Variants in OR5H14 observed in about 807,000 individuals in gnomAD.
OR5H14 encodes olfactory receptor 5H14.
For missense variants in OR5H14, 392 were observed against 363.9 expected, an observed-to-expected ratio of 1.08 and a Z score of -0.63; for synonymous variants, 155 against 130.6, an observed-to-expected ratio of 1.19 and a Z score of -1.28.
rs1489066438 is a variant in OR5H14 at position 98,150,942 on chromosome 3, G to T, written c.*624G>T. ...GGCAAGAGGATGCTGTTAACTCTCT[G>T]TGCTTGTATGAGTAAGAACCATGCA... On this transcript the variant is annotated 3_prime_UTR_variant, in exon 2 of 2. Coordinates refer to ENST00000641380, the MANE Select transcript of OR5H14 (RefSeq NM_001005514.2). 3 of 152,138 alleles carry T rather than the reference G, an allele frequency of 2.0e-5. No homozygotes were observed. The highest frequency in any genetic ancestry group is 4.4e-5 in the Non-Finnish European group (3 of 68,038). The allele number at this position is 152,138 out of a possible 1,614,324, so 9.4% of individuals were successfully genotyped here.
At chr3:98,149,310 A>T in intron 1 of OR5H14, 58 bp from the exon 2 acceptor site, 1 of 1,551,006 alleles carries the variant, frequency 6.4e-7, no homozygotes, top group Non-Finnish European at 8.7e-7. Flanking sequence ...CTCTTTCCCA[A>T]TTTCAACTCA....
At position 98,151,390 on chromosome 3, in the gene OR5H14, G is replaced by C. The variant is rs553324984; in HGVS notation, c.*1072G>C. On this transcript the variant is annotated 3_prime_UTR_variant, in exon 2 of 2. Coordinates refer to ENST00000641380, the MANE Select transcript of OR5H14 (RefSeq NM_001005514.2). ...CTCACTTCATATTCTTGAAGTATGT[G>C]AGTCATCCATCTGCCATTCCACTCT... The C allele has an allele frequency of 6.6e-6, 1 of 152,044 alleles. No individual in the cohort carries two copies. The highest frequency in any genetic ancestry group is 1.5e-5 in the Non-Finnish European group (1 of 67,994). 9.4% of individuals were successfully genotyped at this position (152,044 alleles called of 1,614,324 possible). A position where few individuals can be genotyped will look rare whatever the true frequency, so the allele number is the denominator to read the frequency against.
At position 98,154,699 on chromosome 3, in the gene OR5H14, C is replaced by G. The variant is rs990872473; in HGVS notation, c.*4381C>G. 2 of 152,198 alleles carry G rather than the reference C, an allele frequency of 1.3e-5. No individual in the cohort carries two copies. Among genetic ancestry groups the G allele is most frequent in the Non-Finnish European group, 2.9e-5 (2 of 68,030 alleles). The allele number at this position is 152,198 out of a possible 1,614,324, so 9.4% of individuals were successfully genotyped here. A position where few individuals can be genotyped will look rare whatever the true frequency, so the allele number is the denominator to read the frequency against. On this transcript the variant is annotated 3_prime_UTR_variant, in exon 2 of 2. Coordinates refer to ENST00000641380, the MANE Select transcript of OR5H14 (RefSeq NM_001005514.2). ...TTTGCAAAAATGATGACAGAAAAAT[C>G]TCACATAGGAATATTATGACAGTGA...
At position 98,150,368 on chromosome 3, in the gene OR5H14, C is replaced by G; in HGVS notation, c.*50C>G. The G allele has an allele frequency of 7.8e-7, 1 of 1,283,734 alleles. No homozygotes were observed. Among genetic ancestry groups the G allele is most frequent in the Non-Finnish European group, 1.0e-6 (1 of 953,532 alleles). 79.5% of individuals were successfully genotyped at this position (1,283,734 alleles called of 1,614,324 possible). A position where few individuals can be genotyped will look rare whatever the true frequency, so the allele number is the denominator to read the frequency against. On this transcript the variant is annotated 3_prime_UTR_variant, in exon 2 of 2. Transcript: ENST00000641380. ...TTTACTAAAATGTCACAAAATTGTGCAAATTAGAGGTACCTATGTTTTTGC... is the reference window on the plus strand; with the variant it reads ...TTTACTAAAATGTCACAAAATTGTGGAAATTAGAGGTACCTATGTTTTTGC...
chr3:98,152,784 T>C lies in OR5H14; in HGVS notation c.*2466T>C, dbSNP rs1708525832. The C allele has an allele frequency of 6.6e-6, 1 of 152,190 alleles. No individual in the cohort carries two copies. The highest frequency in any genetic ancestry group is 2.4e-5 in the African/African-American group (1 of 41,454). 9.4% of individuals were successfully genotyped at this position (152,190 alleles called of 1,614,324 possible). On this transcript the variant is annotated 3_prime_UTR_variant, in exon 2 of 2. Coordinates refer to ENST00000641380, the MANE Select transcript of OR5H14 (RefSeq NM_001005514.2). ...GTACCTATGTAACAACCTGCACATG[T>C]ATCCCAGAACTTAAAGTATAAAGAA... is the stretch of plus-strand genomic sequence containing the variant.
rs1708521676 is a variant in OR5H14 at position 98,152,393 on chromosome 3, C to T, written c.*2075C>T. The T allele has an allele frequency of 6.6e-6, 1 of 152,132 alleles. No individual in the cohort carries two copies. Among genetic ancestry groups the T allele is most frequent in the Admixed American group, 6.6e-5 (1 of 15,258 alleles). The allele number at this position is 152,132 out of a possible 1,614,324, so 9.4% of individuals were successfully genotyped here. A position where few individuals can be genotyped will look rare whatever the true frequency, so the allele number is the denominator to read the frequency against. ...TATTCACAATAGCAAACACTTGGAA[C>T]CAACCCAAAGGCCCATCAAGTATAG... On this transcript the variant is annotated 3_prime_UTR_variant, in exon 2 of 2. Transcript: ENST00000641380.
At chr3:98,147,910 A>G (rs1708443574) in intron 1 of OR5H14, 1 of 152,004 alleles carries the variant, frequency 6.6e-6, no homozygotes, top group Non-Finnish European at 1.5e-5. Flanking sequence ...CATTCCTTTT[A>G]ATTAACTACA....
chr3:98,149,924 A>G lies in OR5H14; in HGVS notation c.539A>G (p.Asp180Gly), dbSNP rs1337299361. The G allele has an allele frequency of 6.2e-7, 1 of 1,613,416 alleles. No individual in the cohort carries two copies. Among genetic ancestry groups the G allele is most frequent in the Admixed American group, 1.7e-5 (1 of 59,942 alleles). ...NSNIIQHFYC[D>G]IIPLLKISYT... Reference sequence around the variant, plus strand: ...AACATAATACAACACTTTTACTGTGACATTATCCCATTGTTAAAGATTTCT... The same window carrying G: ...AACATAATACAACACTTTTACTGTGGCATTATCCCATTGTTAAAGATTTCT... Residue 180 changes from aspartate to glycine, a missense_variant, in exon 2 of 2, where the codon GAC becomes GGC. Asp to Gly is a moderately conservative substitution (Grantham distance 94). Coordinates refer to ENST00000641380, the MANE Select transcript of OR5H14 (RefSeq NM_001005514.2).
At position 98,149,894 on chromosome 3, in the gene OR5H14, A is replaced by G. The variant is rs185929468; in HGVS notation, c.509A>G (p.Asn170Ser). ...TTTTTATTCAGACTAACCTTCTGTA[A>G]CTCCAACATAATACAACACTTTTAC... ...EGFLFRLTFC[N>S]SNIIQHFYCD... The change falls in exon 2 of 2, where the codon AAC (asparagine) becomes AGC (serine). Residue 170 changes from asparagine to serine, a missense_variant. Coordinates refer to ENST00000641380, the MANE Select transcript of OR5H14 (RefSeq NM_001005514.2). The G allele has an allele frequency of 2.8e-3, 4,511 of 1,605,592 alleles. 167 individuals are homozygous for G. The African/African-American group carries it at 0.052, about 18-fold the overall frequency.
Position 98,151,294 on chromosome 3 carries a change from G to A in OR5H14, c.*976G>A, listed in dbSNP as rs1445314271. On this transcript the variant is annotated 3_prime_UTR_variant, in exon 2 of 2. Coordinates refer to ENST00000641380, the MANE Select transcript of OR5H14 (RefSeq NM_001005514.2). The stretch of plus-strand genomic sequence containing the variant: ...TATGACATCATAGTGCCCAGTGATT[G>A]GAGAGAAAAACATGAAAATGAGGAA... The A allele has an allele frequency of 6.6e-6, 1 of 152,070 alleles. No homozygotes were observed. The highest frequency in any genetic ancestry group is 1.5e-5 in the Non-Finnish European group (1 of 68,012). 9.4% of individuals were successfully genotyped at this position (152,070 alleles called of 1,614,324 possible). A position where few individuals can be genotyped will look rare whatever the true frequency, so the allele number is the denominator to read the frequency against.
rs925326328 is a variant in OR5H14 at position 98,154,660 on chromosome 3, T to C, written c.*4342T>C. On this transcript the variant is annotated 3_prime_UTR_variant, in exon 2 of 2. Coordinates refer to ENST00000641380, the MANE Select transcript of OR5H14 (RefSeq NM_001005514.2). ...AGATAGAGTATGATAGAATGAAATA[T>C]AGTTGAAACCACCTTTGCAAAAATG... 6.6e-6 allele frequency: 1 copy of C among 152,224 alleles called. No individual in the cohort carries two copies. The highest frequency in any genetic ancestry group is 1.5e-5 in the Non-Finnish European group (1 of 68,032). 9.4% of individuals were successfully genotyped at this position (152,224 alleles called of 1,614,324 possible).
intron 1 of OR5H14, among the ~76,000 whole-genome samples, chr3:98,148,489 C>T (rs1237288463): frequency 3.3e-5 from 5 of 152,008 alleles, no homozygotes; most frequent in African/African-American, 1.2e-4. Context: ...ACATGATGCT[C>T]ACTCCAAGAA....
At position 98,150,211 on chromosome 3, in the gene OR5H14, C is replaced by T. The variant is rs1440268507; in HGVS notation, c.826C>T (p.Leu276=). 6.2e-7 allele frequency: 1 copy of T among 1,612,722 alleles called. No homozygotes were observed. The highest frequency in any genetic ancestry group is 8.5e-7 in the Non-Finnish European group (1 of 1,179,248). The change falls in exon 2 of 2, where the codon CTA becomes TTA. Residue 276 remains leucine (L), a synonymous_variant. Transcript: ENST00000641380. The stretch of plus-strand genomic sequence containing the variant: ...TGATGACCAAGATATGATGGAGTCT[C>T]TATTTTACACTGTCATAGTTCCTTT... ...QADDQDMMES[L]FYTVIVPLLN... is the part of the protein sequence containing the mutation.
At chr3:98,148,561 T>C (rs1205600947) in intron 1 of OR5H14, among the ~76,000 whole-genome samples, 1 of 152,058 alleles carries the variant, frequency 6.6e-6, no homozygotes, top group African/African-American at 2.4e-5. Context: ...AGTCACCAAG[T>C]GACTCTTATC....
rs529628010 is a variant in OR5H14, at chr3:98,155,358, C to A, written c.*5040C>A. The A allele has an allele frequency of 2.0e-5, 3 of 152,278 alleles. No individual in the cohort carries two copies. In the South Asian group the frequency reaches 6.2e-4, roughly 32 times the overall value. 9.4% of individuals were successfully genotyped at this position (152,278 alleles called of 1,614,324 possible). A position where few individuals can be genotyped will look rare whatever the true frequency, so the allele number is the denominator to read the frequency against. On this transcript the variant is annotated 3_prime_UTR_variant, in exon 2 of 2. Coordinates refer to ENST00000641380, the MANE Select transcript of OR5H14 (RefSeq NM_001005514.2). ...CCTCTGTCTTGGTAATGGGCTCTATCTAGGTGTCAGGCAAAAAGATCTCAT... is the reference window on the plus strand; with the variant it reads ...CCTCTGTCTTGGTAATGGGCTCTATATAGGTGTCAGGCAAAAAGATCTCAT...
rs766999207 is a variant in OR5H14 at position 98,149,931 on chromosome 3, C to A, written c.546C>A (p.Ile182=). ...TACAACACTTTTACTGTGACATTAT[C>A]CCATTGTTAAAGATTTCTTATACTG... ...NIIQHFYCDI[I]PLLKISYTDS... The change falls in exon 2 of 2, where the codon ATC becomes ATA. Residue 182 remains isoleucine (I), a synonymous_variant. Transcript: ENST00000641380. The A allele has an allele frequency of 6.2e-6, 10 of 1,613,352 alleles. No individual in the cohort carries two copies. The South Asian group carries it at 9.9e-5, about 16-fold the overall frequency.
chr3:98,148,214 A>G (rs1559807371), intron 1 of OR5H14: 3 of 151,900 alleles, frequency 2.0e-5, no homozygotes, highest in Non-Finnish European at 4.4e-5. Context: ...TTTGGCTTCT[A>G]AAGCAGTAGA....
In OR5H14 at chr3:98,150,199, A is replaced by G. The variant is rs1194461128; in HGVS notation, c.814A>G (p.Met272Val). 11 of 1,612,938 alleles carry G rather than the reference A, an allele frequency of 6.8e-6. No homozygotes were observed. Among genetic ancestry groups the G allele is most frequent in the African/African-American group, 4.0e-5 (3 of 74,904 alleles). The change falls in exon 2 of 2, where the codon ATG (methionine) becomes GTG (valine). Residue 272 changes from methionine to valine, a missense_variant. Coordinates refer to ENST00000641380, the MANE Select transcript of OR5H14 (RefSeq NM_001005514.2). ...ATCCCCACAGGCTGATGACCAAGAT[A>G]TGATGGAGTCTCTATTTTACACTGT... Reference protein sequence around the residue: ...SASPQADDQDMMESLFYTVIV... With the variant: ...SASPQADDQDVMESLFYTVIV...
rs1034763413 is a variant in OR5H14, at chr3:98,155,257, G to A, written c.*4939G>A. ...ACCCTACCCTCTGGATTTTTGGAAAGGGTGATCTGAGTAATAATAAAACTT... is the reference window on the plus strand; with the variant it reads ...ACCCTACCCTCTGGATTTTTGGAAAAGGTGATCTGAGTAATAATAAAACTT... On this transcript the variant is annotated 3_prime_UTR_variant, in exon 2 of 2. Coordinates refer to ENST00000641380, the MANE Select transcript of OR5H14 (RefSeq NM_001005514.2). 6.6e-6 allele frequency: 1 copy of A among 152,308 alleles called. No homozygotes were observed. The highest frequency in any genetic ancestry group is 1.9e-4 in the East Asian group (1 of 5,180). The allele number at this position is 152,308 out of a possible 1,614,324, so 9.4% of individuals were successfully genotyped here. A position where few individuals can be genotyped will look rare whatever the true frequency, so the allele number is the denominator to read the frequency against.
Sources: allele counts gnomAD v4.1 joint callset (sites outside exome capture counted in the v4.1 genomes callset), GRCh38; gene constraint gnomAD v4.1.1; transcripts MANE v1.5; gene names NCBI Gene and HGNC (gene_info 2026-07-23, HGNC 2026-07-21).